The following LRFN2 variants were observed in gnomAD, a reference collection of about 807,000 sequenced individuals.
LRFN2 encodes the protein leucine-rich repeat and fibronectin type-III domain-containing protein 2.
In LRFN2, 18 loss-of-function variants were observed where a neutral mutation model predicts 37.3. That is an observed-to-expected ratio of 0.48 (90% CI 0.33 to 0.72). The LOEUF is 0.72. Ranked by LOEUF, LRFN2 falls within the 30% of genes least tolerant of loss-of-function variation. LRFN2 has a pLI of 0.02. For missense variants in LRFN2, 1,006 were observed against 1,060.7 expected, an observed-to-expected ratio of 0.95 and a Z score of 0.72; for synonymous variants, 556 against 466.6, an observed-to-expected ratio of 1.19 and a Z score of -2.47.
intron 2 of LRFN2, among the ~76,000 whole-genome samples, chr6:40,427,795 A>G (rs867684993): frequency 6.6e-6 from 1 of 152,188 alleles, no homozygotes. Flanking sequence ...TGTCCATGCT[A>G]TCTCAGAATC....
intron 1 of LRFN2, among the ~76,000 whole-genome samples, chr6:40,551,010 C>T (rs750430254): frequency 1.3e-5 from 2 of 152,136 alleles, no homozygotes; most frequent in East Asian, 1.9e-4. Flanking sequence ...TCAAGAGATG[C>T]GTCATAAAAT....
intron 1 of LRFN2, among the ~76,000 whole-genome samples, chr6:40,496,587 C>G (rs138882193): frequency 6.6e-5 from 10 of 152,034 alleles, no homozygotes; most frequent in Non-Finnish European, 1.2e-4. Context: ...TCTTCACATG[C>G]CCAGCCCTCA....
At chr6:40,455,639 C>T (rs1045651186) in intron 1 of LRFN2, among the ~76,000 whole-genome samples, 1 of 152,186 alleles carries the variant, frequency 6.6e-6, no homozygotes, top group African/African-American at 2.4e-5. Flanking sequence ...GAGGATTTAC[C>T]ATGCAGCAGC....
At chr6:40,438,669 G>C (rs902731802) in intron 1 of LRFN2, among the ~76,000 whole-genome samples, 2 of 152,150 alleles carry the variant, frequency 1.3e-5, no homozygotes. Context: ...GGTTTGCTTA[G>C]TAACTGGTGG....
chr6:40,404,225 TTCTC>T (rs1487527246), intron 2 of LRFN2, among the ~76,000 whole-genome samples: 1 of 152,244 alleles, frequency 6.6e-6, no homozygotes, highest in East Asian at 1.9e-4. Context: ...TTAATTGTCT[TTCTC>T]TCTGTCTACT....
intron 1 of LRFN2, among the ~76,000 whole-genome samples, chr6:40,511,690 G>A (rs886837394): frequency 1.8e-4 from 27 of 152,162 alleles, no homozygotes; most frequent in African/African-American, 6.5e-4. Context: ...AGGGAGGAAG[G>A]GCAGGGCACC....
intron 1 of LRFN2, among the ~76,000 whole-genome samples, chr6:40,505,270 C>G (rs1765502660): frequency 6.6e-6 from 1 of 152,186 alleles, no homozygotes; most frequent in Non-Finnish European, 1.5e-5. Context: ...GTCTAATTAC[C>G]ACTTTCCACA....
At chr6:40,577,578 C>T (rs1249192492) in intron 1 of LRFN2, among the ~76,000 whole-genome samples, 3 of 109,562 alleles carry the variant, frequency 2.7e-5, no homozygotes, top group African/African-American at 1.1e-4. Flanking sequence ...TGCTATCCCT[C>T]TCCCCTCCCC....
intron 1 of LRFN2, among the ~76,000 whole-genome samples, chr6:40,449,819 A>T (rs1030269245): frequency 4.6e-5 from 7 of 152,150 alleles, no homozygotes; most frequent in African/African-American, 1.2e-4. Flanking sequence ...AGCACAATTG[A>T]CATTGGTACA....
At chr6:40,514,244 C>A (rs192162249) in intron 1 of LRFN2, among the ~76,000 whole-genome samples, 1 of 152,020 alleles carries the variant, frequency 6.6e-6, no homozygotes, top group South Asian at 2.1e-4. Context: ...TTTGACCCCC[C>A]ACAACACAAA....
chr6:40,466,777 CA>C (rs1437912851), intron 1 of LRFN2, among the ~76,000 whole-genome samples: 1 of 151,974 alleles, frequency 6.6e-6, no homozygotes, highest in Non-Finnish European at 1.5e-5. Context: ...TGAATATGGC[CA>C]AAATTCATAA....
chr6:40,559,466 A>C (rs35048510), intron 1 of LRFN2, among the ~76,000 whole-genome samples: 72,152 of 152,052 alleles, frequency 0.47, 18,161 homozygotes, highest in African/African-American at 0.64. Flanking sequence ...GGGTGGTCCC[A>C]GGCCTGAGTG....
chr6:40,512,166 G>T (rs1269888335), intron 1 of LRFN2, among the ~76,000 whole-genome samples: 1 of 152,128 alleles, frequency 6.6e-6, no homozygotes, highest in Non-Finnish European at 1.5e-5. Context: ...CGTGTCCCGC[G>T]CACTTGACTT....
Position 40,432,696 on chromosome 6 carries a change from C to A in LRFN2, c.418G>T (p.Ala140Ser). Residue 140 changes from alanine to serine, a missense_variant, in exon 2 of 3, where the codon GCA becomes TCA. Ala to Ser is a moderately conservative substitution (Grantham distance 99). Around this residue, in one of 4 missense-constraint regions of LRFN2, gnomAD observed 185 missense variants for 254.9 expected, o/e 0.73. Coordinates refer to ENST00000338305, the MANE Select transcript of LRFN2 (RefSeq NM_020737.3). ...IVNNNQLGGIADEAFEDFLLT... is the reference protein window; with the variant it reads ...IVNNNQLGGISDEAFEDFLLT... ...AGGAAGTCCTCAAAAGCCTCATCTG[C>A]GATGCCGCCCAGCTGGTTGTTGTTC... 1.2e-6 allele frequency: 2 copies of A among 1,614,164 alleles called. No homozygotes were observed. Among genetic ancestry groups the A allele is most frequent in the Non-Finnish European group, 1.7e-6 (2 of 1,180,046 alleles).
At chr6:40,565,343 C>G (rs941988834) in intron 1 of LRFN2, among the ~76,000 whole-genome samples, 1 of 152,164 alleles carries the variant, frequency 6.6e-6, no homozygotes, top group African/African-American at 2.4e-5. Context: ...CCATCCCCAT[C>G]AAGCTACCAA....
intron 1 of LRFN2, among the ~76,000 whole-genome samples, chr6:40,469,139 G>A (rs1764539511): frequency 6.6e-6 from 1 of 152,122 alleles, no homozygotes; most frequent in Non-Finnish European, 1.5e-5. Context: ...ACACAGAGAG[G>A]GGAAAAGGCC....
intron 1 of LRFN2, among the ~76,000 whole-genome samples, chr6:40,453,073 A>G (rs774070754): frequency 2.0e-5 from 3 of 152,176 alleles, no homozygotes; most frequent in Non-Finnish European, 2.9e-5. Flanking sequence ...GGAATGTTCT[A>G]TGGCACCCTG....
Position 40,392,890 on chromosome 6 carries a change from C to A in LRFN2, c.1423G>T (p.Ala475Ser), listed in dbSNP as rs776145223. The change falls in exon 3 of 3, where the codon GCC becomes TCC. Residue 475 changes from alanine (A) to serine (S), a missense_variant. Physicochemically the swap from Ala to Ser is moderately conservative, Grantham distance 99. This residue lies in a region of LRFN2 where 120 missense variants were observed against 178.4 expected (regional missense o/e 0.67). Coordinates refer to ENST00000338305, the MANE Select transcript of LRFN2 (RefSeq NM_020737.3). The surrounding 1 kb of genome is among the most constrained non-coding windows in gnomAD (Gnocchi z 4.7). ...IYRMIPASNKAFVVNNLVSGT... is the reference protein window; with the variant it reads ...IYRMIPASNKSFVVNNLVSGT... ...GACACCAGGTTGTTGACCACGAAGG[C>A]CTTGTTGGAGGCTGGGATCATCCTG... The A allele has an allele frequency of 4.3e-6, 7 of 1,610,546 alleles. No homozygotes were observed. Among genetic ancestry groups the A allele is most frequent in the Non-Finnish European group, 5.1e-6 (6 of 1,178,344 alleles).
chr6:40,434,211 C>T (rs888719439), intron 1 of LRFN2, among the ~76,000 whole-genome samples: 1 of 152,230 alleles, frequency 6.6e-6, no homozygotes, highest in Non-Finnish European at 1.5e-5. Context: ...GCCTAAAGCG[C>T]TGCCTGGCAC....
Sources: allele counts gnomAD v4.1 joint callset (sites outside exome capture counted in the v4.1 genomes callset), GRCh38; gene constraint gnomAD v4.1.1; regional missense constraint gnomAD v4.1.1; non-coding constraint Gnocchi (gnomAD v3.1); transcripts MANE v1.5; gene names NCBI Gene and HGNC (gene_info 2026-07-23, HGNC 2026-07-21).